ADH1B: variants seen among roughly 807,000 people sequenced by gnomAD.
The protein encoded by ADH1B is all-trans-retinol dehydrogenase [NAD(+)] ADH1B.
Under a neutral mutation model 34.6 loss-of-function variants are expected in ADH1B, and 29 were observed. The ratio of observed to expected loss-of-function variants is 0.84; its 90% CI spans 0.62 to 1.14. The LOEUF is 1.14. Ranked by LOEUF, ADH1B falls within the 50% of genes most tolerant of loss-of-function variation. The probability of loss-of-function intolerance (pLI) is 0.00; values close to 1 mark genes in which losing one functional copy is unlikely to be tolerated. For synonymous variants in ADH1B, 170 were observed against 175.5 expected, an observed-to-expected ratio of 0.97 and a Z score of 0.25; for missense variants, 424 against 468.4, an observed-to-expected ratio of 0.91 and a Z score of 0.87.
rs772290764 is a variant in ADH1B, at chr4:99,314,119, G to T, written c.568-38C>A. 3.7e-6 allele frequency: 6 copies of T among 1,607,026 alleles called. No homozygotes were observed. The African/African-American group carries it at 6.7e-5, about 18-fold the overall frequency. ...AAAATGCAAAAATAGATTAAGTGAT[G>T]ATTGTTAGAAAGTGCCTAAGCTTCA... On this transcript the variant is annotated intron_variant, in intron 5 of 8. Coordinates refer to ENST00000305046, the MANE Select transcript of ADH1B (RefSeq NM_000668.6).
rs41275697 is a variant in ADH1B at position 99,315,970 on chromosome 4, C to T, written c.495G>A (p.Ser165=). 9.9e-4 allele frequency: 1,601 copies of T among 1,614,140 alleles called. 38 individuals carry two copies. The Admixed American group carries it at 0.025, about 25-fold the overall frequency. ...ENAVAKIDAA[S]PLEKVCLIGC... ...CAATGAGGCAGACTTTCTCCAGGGGCGAGGCTGCATCAATTTTGGCCACTG... is the reference window on the plus strand; with the variant it reads ...CAATGAGGCAGACTTTCTCCAGGGGTGAGGCTGCATCAATTTTGGCCACTG... Residue 165 remains serine, a synonymous_variant, in exon 5 of 9, where the codon TCG becomes TCA. Transcript: ENST00000305046.
At position 99,311,566 on chromosome 4, in the gene ADH1B, T is replaced by C. The variant is rs150939574; in HGVS notation, c.919A>G (p.Met307Val). The C allele has an allele frequency of 1.5e-5, 25 of 1,613,998 alleles. No homozygotes were observed. In the East Asian group the frequency reaches 3.1e-4, roughly 20 times the overall value. ...CAGGTGCGTCCAGTCAGTAGCAGCA[T>C]AGGGTTTATTGAGAGGTTCTGGGAA... ...PASQNLSINP[M>V]LLLTGRTWKG... The change falls in exon 7 of 9, where the codon ATG (methionine) becomes GTG (valine). Residue 307 changes from methionine to valine, a missense_variant. Physicochemically the swap from Met to Val is conservative, Grantham distance 21. Around this residue, in one of 3 missense-constraint regions of ADH1B, gnomAD observed 130 missense variants for 151.8 expected, o/e 0.86. Coordinates refer to ENST00000305046, the MANE Select transcript of ADH1B (RefSeq NM_000668.6).
rs1733564459 is a variant in ADH1B at position 99,305,003 on chromosome 4, A to G, written c.*2837T>C. The G allele has an allele frequency of 6.6e-6, 1 of 151,258 alleles. No individual in the cohort carries two copies. The highest frequency in any genetic ancestry group is 2.1e-4 in the South Asian group (1 of 4,798). 9.4% of individuals were successfully genotyped at this position (151,258 alleles called of 1,614,324 possible). ...TCATTTTGCTTTATTTTTTTTTTTG[A>G]TCACACCAAGGCTCAGTGCCATTTA... On this transcript the variant is annotated 3_prime_UTR_variant, in exon 9 of 9. Transcript: ENST00000305046.
At chr4:99,320,980 A>G (rs1287705836) in intron 1 of ADH1B, 1 of 1,103,744 alleles carries the variant, frequency 9.1e-7, no homozygotes, top group Non-Finnish European at 1.2e-6. Context: ...TATTATAAAG[A>G]TAACTTGCCA....
At chr4:99,316,376 T>G in intron 3 of ADH1B, 74 bp from the exon 4 acceptor site, 2 of 1,416,994 alleles carry the variant, frequency 1.4e-6, no homozygotes, top group South Asian at 1.2e-5. Flanking sequence ...AAAGCTCACA[T>G]GTATTGATTA....
intron 1 of ADH1B, 108 bp from the exon 2 acceptor site, chr4:99,318,994 T>C (rs186222387): frequency 8.6e-7 from 1 of 1,161,308 alleles, no homozygotes; most frequent in East Asian, 2.3e-5. Flanking sequence ...GTCTGGTACC[T>C]AACAAGTGCT....
chr4:99,317,661 T>C (rs976170320), intron 3 of ADH1B: 7 of 195,312 alleles, frequency 3.6e-5, no homozygotes, highest in Non-Finnish European at 7.2e-5. Flanking sequence ...ATTTACTTTT[T>C]TTCCCTCCTC....
chr4:99,311,352 C>T (rs566101305), intron 7 of ADH1B, among the ~76,000 whole-genome samples, 169 bp downstream of exon 7: 2 of 152,150 alleles, frequency 1.3e-5, no homozygotes, highest in South Asian at 2.1e-4. Context: ...AGTTCCATAT[C>T]TAGTTGATTT....
At chr4:99,307,906 A>G (rs773535110) in intron 8 of ADH1B, 42 bp from the exon 9 acceptor site, 6 of 1,613,208 alleles carry the variant, frequency 3.7e-6, no homozygotes, top group Non-Finnish European at 4.2e-6. Context: ...CATTTAGACA[A>G]CCCACATGCT....
At chr4:99,318,966 T>C (rs1018144926) in intron 1 of ADH1B, 80 bp from the exon 2 acceptor site, 10 of 1,444,870 alleles carry the variant, frequency 6.9e-6, no homozygotes, top group Non-Finnish European at 8.8e-6. Context: ...TCTTTGTACA[T>C]GTAATATTGC....
intron 2 of ADH1B, 143 bp downstream of exon 2, chr4:99,318,642 C>G: frequency 1.3e-6 from 1 of 796,196 alleles, no homozygotes; most frequent in South Asian, 2.2e-5. Flanking sequence ...TATATTTATA[C>G]CTTTCCTTGA....
At position 99,306,547 on chromosome 4, in the gene ADH1B, T is replaced by C. The variant is rs1436845959; in HGVS notation, c.*1293A>G. 6.6e-6 allele frequency: 1 copy of C among 152,166 alleles called. No homozygotes were observed. The highest frequency in any genetic ancestry group is 1.5e-5 in the Non-Finnish European group (1 of 68,038). 9.4% of individuals were successfully genotyped at this position (152,166 alleles called of 1,614,324 possible). ...TTTATGTCTAAGGTCTTTCATAATA[T>C]GAAATAGAATGTAGATATTGCAACA... On this transcript the variant is annotated 3_prime_UTR_variant, in exon 9 of 9. Coordinates refer to ENST00000305046, the MANE Select transcript of ADH1B (RefSeq NM_000668.6).
intron 5 of ADH1B, chr4:99,315,653 C>T (rs1189229414): frequency 5.3e-6 from 3 of 569,166 alleles, no homozygotes; most frequent in Non-Finnish European, 9.3e-6. Context: ...TTTCATGATC[C>T]CATAAACAGC....
Position 99,315,938 on chromosome 4 carries a change from C to G in ADH1B, c.527G>C (p.Gly176Ala). 6.2e-7 allele frequency: 1 copy of G among 1,614,216 alleles called. No individual in the cohort carries two copies. ...PLEKVCLIGC[G>A]FSTGYGSAVN... ...TGCAGACCCATAACCAGTCGAGAAT[C>G]CACAGCCAATGAGGCAGACTTTCTC... Residue 176 changes from glycine to alanine, a missense_variant, in exon 5 of 9, where the codon GGA becomes GCA. Transcript: ENST00000305046.
chr4:99,318,887 C>G lies in ADH1B; in HGVS notation c.19-1G>C. 6.2e-7 allele frequency: 1 copy of G among 1,612,882 alleles called. No homozygotes were observed. Among genetic ancestry groups the G allele is most frequent in the Non-Finnish European group, 8.5e-7 (1 of 1,178,982 alleles). ...GCACAGCTGCTTTGCATTTGATTAC[C>G]TAGAAAATCAAACAGAGAGATGGTG... On this transcript the variant is annotated splice_acceptor_variant, in intron 1 of 8. Transcript: ENST00000305046. LOFTEE classifies it high-confidence loss of function.
intron 8 of ADH1B, among the ~76,000 whole-genome samples, chr4:99,310,138 T>A (rs192457732): frequency 7.2e-4 from 109 of 152,190 alleles, no homozygotes; most frequent in African/African-American, 2.5e-3. Flanking sequence ...ATGTTAGAGG[T>A]AGGAAATAGA....
Position 99,305,267 on chromosome 4 carries a change from T to G in ADH1B, c.*2573A>C, listed in dbSNP as rs947082319. On this transcript the variant is annotated 3_prime_UTR_variant, in exon 9 of 9. Transcript: ENST00000305046. ...TTGAAATTTTTCTCCATGCTCAGAA[T>G]TTCATTTTAAATATGTTCGTGATAT... 1 of 150,700 alleles carries G rather than the reference T, an allele frequency of 6.6e-6. No homozygotes were observed. The highest frequency in any genetic ancestry group is 1.5e-5 in the Non-Finnish European group (1 of 67,760). The allele number at this position is 150,700 out of a possible 1,614,324, so 9.3% of individuals were successfully genotyped here. A position where few individuals can be genotyped will look rare whatever the true frequency, so the allele number is the denominator to read the frequency against.
intron 5 of ADH1B, chr4:99,315,294 A>G (rs1207660504): frequency 6.5e-6 from 1 of 154,676 alleles, no homozygotes; most frequent in Non-Finnish European, 1.4e-5. Flanking sequence ...TCTGCTTGAA[A>G]TTTACCACTT....
At chr4:99,312,291 A>G (rs1225433470) in intron 6 of ADH1B, among the ~76,000 whole-genome samples, 2 of 152,218 alleles carry the variant, frequency 1.3e-5, no homozygotes, top group Admixed American at 1.3e-4. Flanking sequence ...GACACTTGGT[A>G]TCTTAAGATA....
Sources: gnomAD v4.1 joint callset for allele counts (sites outside exome capture counted in the v4.1 genomes callset) on GRCh38, gnomAD v4.1.1 for gene constraint, gnomAD v4.1.1 regional missense constraint, MANE v1.5 for transcripts, NCBI Gene and HGNC (gene_info 2026-07-23, HGNC 2026-07-21) for gene names.